Variants in CACNA2D1 observed in about 807,000 individuals in gnomAD.
CACNA2D1 encodes the protein voltage-dependent calcium channel subunit alpha-2/delta-1.
In CACNA2D1, 53 loss-of-function variants were observed where a neutral mutation model predicts 171.5. The ratio of observed to expected loss-of-function variants is 0.31; its 90% CI spans 0.25 to 0.39. The LOEUF (loss-of-function observed/expected upper bound fraction) is 0.39. Among genes scored for constraint, CACNA2D1 ranks in the 10% least tolerant of loss-of-function variants. The pLI is 1.00. For missense variants in CACNA2D1, 903 were observed against 1,299.8 expected (o/e 0.69, Z 4.69); for synonymous variants, 442 against 443.1 (o/e 1.00, Z 0.03).
chr7:82,142,333 C>T (rs1487424972), intron 4 of CACNA2D1, among the ~76,000 whole-genome samples: 1 of 152,162 alleles, frequency 6.6e-6, no homozygotes, highest in Non-Finnish European at 1.5e-5. Context: ...AGATAAATTA[C>T]TTTAGTCCCA....
chr7:82,210,243 T>C (rs1800423654), intron 3 of CACNA2D1, among the ~76,000 whole-genome samples: 2 of 150,494 alleles, frequency 1.3e-5, no homozygotes, highest in Admixed American at 1.3e-4. Flanking sequence ...GCTGAATTTG[T>C]AATAGTTTGA....
chr7:81,959,765 TC>T lies in CACNA2D1; in HGVS notation c.3030del (p.Thr1011HisfsTer55). Reference sequence around the variant, plus strand: ...AGCAGTCGTGTGTCACATGGACATGTCCCTTTGCTCTCAACCATTATGAATA... The same window carrying T: ...AGCAGTCGTGTGTCACATGGACATGTCCTTTGCTCTCAACCATTATGAATA... ...NLIFIMVESK[G>X]TCPCDTRLLI... is the part of the protein sequence containing the mutation. On this transcript the variant is annotated frameshift_variant, in exon 37 of 39. Coordinates refer to ENST00000356860, the MANE Select transcript of CACNA2D1 (RefSeq NM_000722.4). LOFTEE classifies it high-confidence loss of function. 1 of 1,612,790 alleles carries T rather than the reference TC, an allele frequency of 6.2e-7. No individual in the cohort carries two copies. Among genetic ancestry groups the T allele is most frequent in the Admixed American group, 1.7e-5 (1 of 59,882 alleles).
chr7:82,229,297 C>T (rs187993536), intron 3 of CACNA2D1, among the ~76,000 whole-genome samples: 12 of 152,174 alleles, frequency 7.9e-5, no homozygotes, highest in Non-Finnish European at 1.6e-4. Flanking sequence ...CCTTTCAGAG[C>T]ACCTCACTTT....
At position 82,400,540 on chromosome 7, in the gene CACNA2D1, A is replaced by C. The variant is rs377278089; in HGVS notation, c.95+42825T>G. On this transcript the variant is annotated intron_variant, in intron 1 of 38. Coordinates refer to ENST00000356860, the MANE Select transcript of CACNA2D1 (RefSeq NM_000722.4). The stretch of plus-strand genomic sequence containing the variant: ...AAACTGGATCCCTTCCTTACACCTT[A>C]TACAAAAATCAATTCAAGATGGATT... 8.2e-4 allele frequency among the ~76,000 whole-genome samples: 125 copies of C among 151,908 alleles called. 4 individuals are homozygous for C. In the South Asian group the frequency reaches 0.025, roughly 30 times the overall value.
intron 3 of CACNA2D1, among the ~76,000 whole-genome samples, chr7:82,275,055 T>C (rs1809147983): frequency 6.6e-6 from 1 of 152,284 alleles, no homozygotes; most frequent in East Asian, 1.9e-4. Flanking sequence ...ACCAATCTCA[T>C]ATGCAAGCAC....
intron 1 of CACNA2D1, among the ~76,000 whole-genome samples, chr7:82,360,345 G>A (rs1187412147): frequency 6.6e-6 from 1 of 152,102 alleles, no homozygotes; most frequent in Non-Finnish European, 1.5e-5. Flanking sequence ...GAATACCTAA[G>A]TAGGTTCTTC....
intron 1 of CACNA2D1, among the ~76,000 whole-genome samples, chr7:82,399,659 A>C (rs1235038871): frequency 1.3e-5 from 2 of 151,798 alleles, no homozygotes; most frequent in African/African-American, 4.8e-5. Context: ...ATAAAAACTA[A>C]TTAGAAGATT....
At chr7:81,959,158 G>GGTT (rs1793793885) in intron 38 of CACNA2D1, 117 bp downstream of exon 38, 1 of 757,728 alleles carries the variant, frequency 1.3e-6, no homozygotes, top group Non-Finnish European at 2.3e-6. Context: ...ATGTTAATGA[G>GGTT]AAAAACTATG....
chr7:82,002,042 A>AAAAAAAAAG (rs1345439249), intron 18 of CACNA2D1, among the ~76,000 whole-genome samples: 1 of 140,862 alleles, frequency 7.1e-6, no homozygotes, highest in African/African-American at 2.7e-5. Flanking sequence ...AAAAAAAAAA[A>AAAAAAAAAG]AGAGAGAGAG....
At chr7:81,989,668 C>T (rs1483745865) in intron 21 of CACNA2D1, among the ~76,000 whole-genome samples, 1 of 152,158 alleles carries the variant, frequency 6.6e-6, no homozygotes, top group Non-Finnish European at 1.5e-5. Flanking sequence ...AGCTAGTGAG[C>T]ATTTTACTTC....
intron 10 of CACNA2D1, among the ~76,000 whole-genome samples, chr7:82,041,334 G>A (rs757021190): frequency 3.0e-4 from 46 of 152,158 alleles, no homozygotes; most frequent in Non-Finnish European, 5.1e-4. Context: ...CAGAGGAATG[G>A]CCCTTTAGGA....
chr7:82,139,006 A>G (rs967527538), intron 4 of CACNA2D1, among the ~76,000 whole-genome samples: 5 of 152,138 alleles, frequency 3.3e-5, no homozygotes, highest in African/African-American at 1.2e-4. Context: ...CACGTAGAAA[A>G]CAAGGTGAGG....
intron 29 of CACNA2D1, among the ~76,000 whole-genome samples, chr7:81,968,040 T>C (rs1317356040): frequency 6.6e-6 from 1 of 151,312 alleles, no homozygotes; most frequent in Non-Finnish European, 1.5e-5. Flanking sequence ...GATGAATGGA[T>C]GAGTAGGTGG....
rs116894339 is a variant in CACNA2D1 at position 82,288,949 on chromosome 7, G to A, written c.294+46186C>T. 4.1e-3 allele frequency among the ~76,000 whole-genome samples: 631 copies of A among 152,184 alleles called. 19 individuals are homozygous for A. In the East Asian group the frequency reaches 0.074, roughly 18 times the overall value. On this transcript the variant is annotated intron_variant, in intron 3 of 38. Coordinates refer to ENST00000356860, the MANE Select transcript of CACNA2D1 (RefSeq NM_000722.4). ...AGCGAGGCTCCCTGCTGTAATGAACGCAGCCCATAGTTAAATAATAAATCA... is the reference window on the plus strand; with the variant it reads ...AGCGAGGCTCCCTGCTGTAATGAACACAGCCCATAGTTAAATAATAAATCA...
At chr7:82,311,293 T>C (rs1361288350) in intron 3 of CACNA2D1, among the ~76,000 whole-genome samples, 1 of 151,994 alleles carries the variant, frequency 6.6e-6, no homozygotes, top group Non-Finnish European at 1.5e-5. Context: ...ACAAGTATTC[T>C]TAAATACACA....
chr7:82,026,454 T>C (rs1269469827), intron 12 of CACNA2D1, among the ~76,000 whole-genome samples: 1 of 151,764 alleles, frequency 6.6e-6, no homozygotes, highest in East Asian at 1.9e-4. Flanking sequence ...ATAGAATTTT[T>C]AAGAGTACTG....
chr7:82,037,761 G>C (rs2131198323), intron 11 of CACNA2D1, among the ~76,000 whole-genome samples: 1 of 152,184 alleles, frequency 6.6e-6, no homozygotes, highest in Middle Eastern at 3.4e-3. Context: ...ATTGAGATAA[G>C]AAAAAGTAAT....
intron 24 of CACNA2D1, among the ~76,000 whole-genome samples, chr7:81,976,490 T>G (rs1795854967): frequency 6.6e-6 from 1 of 152,178 alleles, no homozygotes; most frequent in Non-Finnish European, 1.5e-5. Context: ...TCCTAGGTAT[T>G]TTATTCTGTT....
At chr7:82,300,725 G>T (rs762040599) in intron 3 of CACNA2D1, among the ~76,000 whole-genome samples, 1 of 151,754 alleles carries the variant, frequency 6.6e-6, no homozygotes, top group Non-Finnish European at 1.5e-5. Context: ...TCAGAATACT[G>T]AGAATTCAAA....
Sources: allele counts gnomAD v4.1 joint callset (sites outside exome capture counted in the v4.1 genomes callset), GRCh38; gene constraint gnomAD v4.1.1; transcripts MANE v1.5; gene names NCBI Gene and HGNC (gene_info 2026-07-23, HGNC 2026-07-21).